PML: variants seen among roughly 807,000 people sequenced by gnomAD.
The protein encoded by PML is PML nuclear body scaffold.
Under a neutral mutation model 65.2 loss-of-function variants are expected in PML, and 28 were observed. That is an observed-to-expected ratio of 0.43 (90% CI 0.32 to 0.59). The LOEUF (loss-of-function observed/expected upper bound fraction) is 0.59, where lower values mean the gene tolerates loss of function less well. PML is among the 20% of genes least tolerant of loss of function. PML has a pLI of 0.08. For synonymous variants in PML, 500 were observed against 508.8 expected (o/e 0.98, Z 0.23); for missense variants, 1,021 against 1,203.4 (o/e 0.85, Z 2.24).
chr15:74,030,504 C>G (rs957653702), intron 4 of PML, among the ~76,000 whole-genome samples: 1 of 152,102 alleles, frequency 6.6e-6, no homozygotes, highest in Non-Finnish European at 1.5e-5. Context: ...CAAAAATTAG[C>G]TGGGCGTGGG....
intron 1 of PML, 27 bp downstream of exon 1, chr15:73,994,968 G>C: frequency 1.3e-6 from 2 of 1,507,698 alleles, no homozygotes; most frequent in South Asian, 2.5e-5. Flanking sequence ...GGATGATGGG[G>C]TTAAGCTTTG....
chr15:74,032,430 C>A, intron 4 of PML, 142 bp from the exon 5 acceptor site: 1 of 843,012 alleles, frequency 1.2e-6, no homozygotes, highest in Non-Finnish European at 2.0e-6. Flanking sequence ...TTCTTGTCCC[C>A]AGTGAGCTCG....
rs965236596 is a variant in PML at position 74,023,020 on chromosome 15, C to G, written c.795C>G (p.Val265=). 6.2e-7 allele frequency: 1 copy of G among 1,607,308 alleles called. No homozygotes were observed. The highest frequency in any genetic ancestry group is 8.5e-7 in the Non-Finnish European group (1 of 1,178,604). The change falls in exon 3 of 9, where the codon GTC becomes GTG. Residue 265 remains valine, a synonymous_variant. Transcript: ENST00000268058. ...GAVHAQMHAA[V]GQLGRARAET... ...TTCACGCGCAGATGCACGCGGCCGT[C>G]GGCCAGCTGGGCCGCGCGCGTGCCG...
At chr15:74,020,458 A>C (rs1341355420) in intron 2 of PML, among the ~76,000 whole-genome samples, 2 of 151,856 alleles carry the variant, frequency 1.3e-5, no homozygotes, top group Non-Finnish European at 2.9e-5. Context: ...ACTTATTCTT[A>C]TCACTGCCGG....
intron 2 of PML, among the ~76,000 whole-genome samples, chr15:74,022,263 TTTC>T (rs1297734818): frequency 3.9e-5 from 6 of 152,168 alleles, no homozygotes; most frequent in Non-Finnish European, 8.8e-5. Flanking sequence ...GGCCGATTTC[TTTC>T]TTTCTTTTTT....
intron 6 of PML, chr15:74,034,029 A>G: frequency 2.9e-6 from 1 of 345,670 alleles, no homozygotes; most frequent in South Asian, 2.9e-5. Flanking sequence ...CACACTGAGC[A>G]CTGACTGATA....
chr15:74,033,191 G>A lies in PML; in HGVS notation c.1434G>A (p.Lys478=). Reference sequence around the variant, plus strand: ...ATACAACGACAGCCCAGAAGAGGAAGTGCAGCCAGACCCAGTGCCCCAGGA... The same window carrying A: ...ATACAACGACAGCCCAGAAGAGGAAATGCAGCCAGACCCAGTGCCCCAGGA... The part of the protein sequence containing the change: ...VSNTTTAQKR[K]CSQTQCPRKV... The change falls in exon 6 of 9, where the codon AAG becomes AAA. Residue 478 remains lysine (K), a synonymous_variant. Transcript: ENST00000268058. The A allele has an allele frequency of 6.2e-7, 1 of 1,614,208 alleles. No individual in the cohort carries two copies. The highest frequency in any genetic ancestry group is 8.5e-7 in the Non-Finnish European group (1 of 1,180,024).
intron 2 of PML, among the ~76,000 whole-genome samples, chr15:74,001,497 G>A (rs189855262): frequency 6.6e-6 from 1 of 151,924 alleles, no homozygotes; most frequent in Non-Finnish European, 1.5e-5. Flanking sequence ...CCACCACCAT[G>A]CCTGGCTAAT....
chr15:74,033,524 C>A, intron 6 of PML, 110 bp downstream of exon 6: 2 of 1,124,120 alleles, frequency 1.8e-6, no homozygotes, highest in East Asian at 2.4e-5. Context: ...ACAGGAGTCC[C>A]TTATTCCCAC....
intron 2 of PML, among the ~76,000 whole-genome samples, chr15:74,018,479 C>T (rs575748346): frequency 6.6e-6 from 1 of 151,932 alleles, no homozygotes; most frequent in Non-Finnish European, 1.5e-5. Context: ...AGGTTTTTGT[C>T]ATTTTCTAGG....
chr15:73,995,933 T>C (rs1217930293), intron 1 of PML, among the ~76,000 whole-genome samples: 3 of 152,146 alleles, frequency 2.0e-5, no homozygotes, highest in Non-Finnish European at 2.9e-5. Context: ...TTTATATTTT[T>C]AGTAGAGATG....
chr15:73,994,990 T>C, intron 1 of PML, 49 bp downstream of exon 1: 1 of 1,469,324 alleles, frequency 6.8e-7, no homozygotes. Flanking sequence ...TGGTTTGCTG[T>C]GGTGGGGAGA....
rs145646904 is a variant in PML at position 74,035,479 on chromosome 15, G to A, written c.1710+949G>A. The A allele has an allele frequency of 2.0e-5, 33 of 1,612,190 alleles. No individual in the cohort carries two copies. The Admixed American group carries it at 2.7e-4, about 13-fold the overall frequency. On this transcript the variant is annotated intron_variant, in intron 7 of 8. Transcript: ENST00000268058. The surrounding 1 kb of genome is among the most constrained non-coding windows in gnomAD (Gnocchi z 4.1). ...GCCATCCGCCTTCGCCATGCCCTCC[G>A]CTTGCACCCTCAATTGCATCGGGCC...
At chr15:74,004,265 G>A (rs150053028) in intron 2 of PML, among the ~76,000 whole-genome samples, 121 of 151,778 alleles carry the variant, frequency 8.0e-4, no homozygotes, top group Admixed American at 3.7e-3. Flanking sequence ...ACCTGCCACC[G>A]TGCCTGGCTA....
chr15:74,043,045 C>T lies in PML; in HGVS notation c.1767C>T (p.Gly589=), dbSNP rs745901797. The change falls in exon 8 of 9, where the codon GGC becomes GGT. Residue 589 remains glycine, a synonymous_variant. Transcript: ENST00000268058. This position sits in a 1 kb window ranked among gnomAD's most constrained non-coding sequence, Gnocchi z 4.3. ...AGTCCAGTGACCTCCAGCTGGAAGG[C>T]CCCAGCACCCTCAGGGTCCTGGACG... ...SSESSDLQLE[G]PSTLRVLDEN... 2.5e-6 allele frequency: 4 copies of T among 1,613,578 alleles called. No homozygotes were observed. In the South Asian group the frequency reaches 4.4e-5, roughly 18 times the overall value.
rs562424338 is a variant in PML at position 74,036,871 on chromosome 15, C to T, written c.1710+2341C>T. On this transcript the variant is annotated intron_variant, in intron 7 of 8. Coordinates refer to ENST00000268058, the MANE Select transcript of PML (RefSeq NM_033238.3). ...GCACCTTGCCATCACCGAGCACTGT[C>T]GGTCCCTCAGCCGGTCCTCTCAGAC... The T allele has an allele frequency of 2.4e-5, 22 of 916,266 alleles. No individual in the cohort carries two copies. In the African/African-American group the frequency reaches 2.9e-4, roughly 12 times the overall value. 56.8% of individuals were successfully genotyped at this position (916,266 alleles called of 1,614,324 possible).
rs542308418 is a variant in PML at position 74,046,025 on chromosome 15, G to A, written c.*1017G>A. 3.4e-5 allele frequency: 8 copies of A among 232,706 alleles called. No individual in the cohort carries two copies. Among genetic ancestry groups the A allele is most frequent in the East Asian group, 3.0e-4 (5 of 16,548 alleles). The allele number at this position is 232,706 out of a possible 1,614,324, so 14.4% of individuals were successfully genotyped here. On this transcript the variant is annotated 3_prime_UTR_variant, in exon 9 of 9. Transcript: ENST00000268058. ...AGTGTGGAACAGCAGAGAAAGTCCC[G>A]TCCCTATCTCTGACTGTGCAGTGAG...
At chr15:74,010,222 G>T in intron 2 of PML, among the ~76,000 whole-genome samples, 1 of 71,766 alleles carries the variant, frequency 1.4e-5, no homozygotes, top group Non-Finnish European at 2.9e-5. Flanking sequence ...TTGTAGAGAT[G>T]GGCTTTCATT....
intron 2 of PML, among the ~76,000 whole-genome samples, chr15:74,002,439 C>CTTTTT (rs2069810036): frequency 9.6e-6 from 1 of 104,606 alleles, no homozygotes; most frequent in Admixed American, 1.0e-4. Context: ...ACCTTTCTTT[C>CTTTTT]TTTTCTTTTT....
Sources: allele counts gnomAD v4.1 joint callset (sites outside exome capture counted in the v4.1 genomes callset), GRCh38; gene constraint gnomAD v4.1.1; non-coding constraint Gnocchi (gnomAD v3.1); transcripts MANE v1.5; gene names NCBI Gene and HGNC (gene_info 2026-07-23, HGNC 2026-07-21).